Variants in NRXN3 observed in about 807,000 individuals in gnomAD.
NRXN3 encodes the protein neurexin III.
Under a neutral mutation model 137.6 loss-of-function variants are expected in NRXN3, and 32 were observed. The ratio of observed to expected loss-of-function variants is 0.23; its 90% confidence interval spans 0.18 to 0.31. NRXN3 has a LOEUF of 0.31. Among genes scored for constraint, NRXN3 ranks in the 10% least tolerant of loss-of-function variants. The pLI is 1.00. For synonymous variants in NRXN3, 798 were observed against 784.5 expected (o/e 1.02, Z -0.29); for missense variants, 1,574 against 2,062.5 (o/e 0.76, Z 4.59).
chr14:78,523,367 T>C (rs977824061), intron 4 of NRXN3, among the ~76,000 whole-genome samples: 2 of 152,202 alleles, frequency 1.3e-5, no homozygotes, highest in African/African-American at 2.4e-5. Context: ...AATTGTACTT[T>C]TGTTCATAAC....
intron 10 of NRXN3, among the ~76,000 whole-genome samples, chr14:78,844,146 T>A (rs543841820): frequency 1.2e-4 from 19 of 152,194 alleles, no homozygotes; most frequent in Non-Finnish European, 2.5e-4. Flanking sequence ...CTCTTTGGCT[T>A]GTTGCTGCTT....
At chr14:78,740,383 C>CTTT (rs11389704) in intron 8 of NRXN3, among the ~76,000 whole-genome samples, 2 of 148,398 alleles carry the variant, frequency 1.3e-5, no homozygotes, top group African/African-American at 2.5e-5. Context: ...CCCTTGTCTC[C>CTTT]TTTTTTTTTT....
Position 78,554,739 on chromosome 14 carries a change from C to T in NRXN3, c.758-90381C>T, listed in dbSNP as rs79556503. The stretch of plus-strand genomic sequence containing the variant: ...GTTACCAGGAACTTAAAAGAGTAAA[C>T]GTGGTTGCTGACATTTTAGCGTTCG... On this transcript the variant is annotated intron_variant, in intron 4 of 20. Transcript: ENST00000335750. Among the ~76,000 whole-genome samples the T allele has an allele frequency of 3.3e-5, 5 of 152,224 alleles. No homozygotes were observed. The East Asian group carries it at 5.8e-4, about 18-fold the overall frequency.
intron 19 of NRXN3, among the ~76,000 whole-genome samples, chr14:79,762,854 G>A (rs2099043397): frequency 6.6e-6 from 1 of 151,558 alleles, no homozygotes; most frequent in Admixed American, 6.6e-5. Flanking sequence ...ATGAACATCT[G>A]TTTTTTCTTT....
intron 1 of NRXN3, among the ~76,000 whole-genome samples, chr14:78,207,504 A>C (rs541842135): frequency 6.6e-6 from 1 of 152,076 alleles, no homozygotes; most frequent in Non-Finnish European, 1.5e-5. Context: ...TGCAAAACCA[A>C]CAGTGTTGGC....
intron 15 of NRXN3, among the ~76,000 whole-genome samples, chr14:79,322,764 T>TG (rs2153275422): frequency 6.6e-6 from 1 of 152,174 alleles, no homozygotes; most frequent in South Asian, 2.1e-4. Context: ...ACAGATTCAA[T>TG]GGGGAACATC....
Position 79,801,169 on chromosome 14 carries a change from G to A in NRXN3, c.4015-3943G>A, listed in dbSNP as rs117411210. On this transcript the variant is annotated intron_variant, in intron 19 of 20. Coordinates refer to ENST00000335750, the MANE Select transcript of NRXN3 (RefSeq NM_001330195.2). ...CCTCTAAGTGGTAACGATGAGGTCT[G>A]AAAGACACAAAGGAAGGAACTGAAT... is the stretch of plus-strand genomic sequence containing the variant. Among the ~76,000 whole-genome samples the A allele has an allele frequency of 3.3e-3, 497 of 152,306 alleles. 12 individuals carry two copies. In the East Asian group the frequency reaches 0.043, roughly 13 times the overall value.
At chr14:79,303,645 C>T (rs4537952) in intron 15 of NRXN3, among the ~76,000 whole-genome samples, 1 of 151,938 alleles carries the variant, frequency 6.6e-6, no homozygotes, top group Non-Finnish European at 1.5e-5. Context: ...GGGTGGGGGG[C>T]TAAAGGGCCA....
At chr14:79,239,251 G>A (rs779302356) in intron 15 of NRXN3, among the ~76,000 whole-genome samples, 2 of 152,062 alleles carry the variant, frequency 1.3e-5, no homozygotes, top group Non-Finnish European at 2.9e-5. Flanking sequence ...TTGTTGTACT[G>A]TACTCACTTA....
chr14:78,911,814 TAGGGTGG>T (rs999943645), intron 10 of NRXN3, among the ~76,000 whole-genome samples: 16 of 152,058 alleles, frequency 1.1e-4, no homozygotes, highest in Admixed American at 7.2e-4. Flanking sequence ...CACAAGACCC[TAGGGTGG>T]AGGATGGTCT....
Position 78,446,951 on chromosome 14 carries a change from C to T in NRXN3, c.757+149091C>T, listed in dbSNP as rs2094435842. ...CTCATTCCAGAATCCAGCCTCTGAG[C>T]TTTACTCGCCATTTAAAGAATGGTG... On this transcript the variant is annotated intron_variant, in intron 4 of 20. Transcript: ENST00000335750. 2.0e-5 allele frequency among the ~76,000 whole-genome samples: 3 copies of T among 152,200 alleles called. No individual in the cohort carries two copies. In the South Asian group the frequency reaches 6.2e-4, roughly 32 times the overall value.
chr14:78,419,564 C>G (rs564464688), intron 4 of NRXN3, among the ~76,000 whole-genome samples: 46 of 152,190 alleles, frequency 3.0e-4, no homozygotes, highest in Admixed American at 1.4e-3. Context: ...ATCCAGATCT[C>G]CCTCTCATAG....
intron 8 of NRXN3, among the ~76,000 whole-genome samples, chr14:78,722,204 C>T (rs994912495): frequency 6.6e-6 from 1 of 152,126 alleles, no homozygotes; most frequent in African/African-American, 2.4e-5. Flanking sequence ...AGAATCGACA[C>T]CTGCATTCAA....
chr14:79,718,738 T>G (rs908260388), intron 19 of NRXN3, among the ~76,000 whole-genome samples: 6 of 152,228 alleles, frequency 3.9e-5, no homozygotes, highest in African/African-American at 1.4e-4. Flanking sequence ...AATCTTATGC[T>G]TAAGTCCAGG....
At chr14:79,239,795 G>T (rs192134798) in intron 15 of NRXN3, among the ~76,000 whole-genome samples, 1 of 152,150 alleles carries the variant, frequency 6.6e-6, no homozygotes, top group Non-Finnish European at 1.5e-5. Flanking sequence ...ATGTAGTAAT[G>T]TGGTATATAC....
intron 4 of NRXN3, among the ~76,000 whole-genome samples, chr14:78,427,472 AGATC>A (rs2093707542): frequency 6.6e-6 from 1 of 152,222 alleles, no homozygotes; most frequent in East Asian, 1.9e-4. Flanking sequence ...TTTATTTAAA[AGATC>A]GATCGAAGCC....
Position 78,906,946 on chromosome 14 carries a change from CA to C in NRXN3, c.2276-50295del, listed in dbSNP as rs752300844. ...TTTCTGGAGCAATAACTGCAGCCAA[CA>C]GAATATGGTAAAATAATTCGCTCAA... On this transcript the variant is annotated intron_variant, in intron 10 of 20. Coordinates refer to ENST00000335750, the MANE Select transcript of NRXN3 (RefSeq NM_001330195.2). Among the ~76,000 whole-genome samples, 15 of 151,956 alleles carry C rather than the reference CA, an allele frequency of 9.9e-5. No individual in the cohort carries two copies. The East Asian group carries it at 1.7e-3, about 18-fold the overall frequency.
chr14:79,445,190 A>G (rs1439325043), intron 15 of NRXN3, among the ~76,000 whole-genome samples: 1 of 151,748 alleles, frequency 6.6e-6, no homozygotes, highest in Non-Finnish European at 1.5e-5. Flanking sequence ...AAATACAAAA[A>G]TTACCCGGGT....
At chr14:79,236,686 A>G (rs2073418576) in intron 15 of NRXN3, among the ~76,000 whole-genome samples, 1 of 152,134 alleles carries the variant, frequency 6.6e-6, no homozygotes, top group South Asian at 2.1e-4. Flanking sequence ...CCGAGGTGGG[A>G]GGATCACTTG....
Sources: gnomAD v4.1 joint callset for allele counts (sites outside exome capture counted in the v4.1 genomes callset) on GRCh38, gnomAD v4.1.1 for gene constraint, MANE v1.5 for transcripts, NCBI Gene and HGNC (gene_info 2026-07-23, HGNC 2026-07-21) for gene names.